SGMS1: variants seen among roughly 807,000 people sequenced by gnomAD.
The protein encoded by SGMS1 is phosphatidylcholine:ceramide cholinephosphotransferase 1.
In SGMS1, 13 loss-of-function variants were observed where a neutral mutation model predicts 46.2. The ratio of observed to expected loss-of-function variants is 0.28; its 90% CI spans 0.18 to 0.45. The LOEUF (loss-of-function observed/expected upper bound fraction) is 0.45. Among genes scored for constraint, SGMS1 ranks in the 20% least tolerant of loss-of-function variants. The probability of loss-of-function intolerance (pLI) is 1.00; values close to 1 mark genes in which losing one functional copy is unlikely to be tolerated. For synonymous variants in SGMS1, 203 were observed against 187.8 expected, an observed-to-expected ratio of 1.08 and a Z score of -0.66; for missense variants, 324 against 519.9, an observed-to-expected ratio of 0.62 and a Z score of 3.66.
At chr10:50,452,391 G>T (rs1350663636) in intron 5 of SGMS1, among the ~76,000 whole-genome samples, 1 of 152,080 alleles carries the variant, frequency 6.6e-6, no homozygotes, top group Non-Finnish European at 1.5e-5. Flanking sequence ...TGTCGTAAAT[G>T]AGTATCCACC....
At position 50,508,481 on chromosome 10, in the gene SGMS1, G is replaced by C. The variant is rs1837725960; in HGVS notation, c.-498+11350C>G. The stretch of plus-strand genomic sequence containing the variant: ...TCTTGGTATGACAGTGAAATATCAA[G>C]TGACAAAAAGGAAGTCATGTCAGTC... On this transcript the variant is annotated intron_variant, in intron 3 of 10. Coordinates refer to ENST00000361781, the MANE Select transcript of SGMS1 (RefSeq NM_147156.4). Among the ~76,000 whole-genome samples, 3 of 152,278 alleles carry C rather than the reference G, an allele frequency of 2.0e-5. No homozygotes were observed. The South Asian group carries it at 6.2e-4, about 32-fold the overall frequency.
chr10:50,383,091 G>T (rs897569773), intron 6 of SGMS1, among the ~76,000 whole-genome samples: 1 of 152,100 alleles, frequency 6.6e-6, no homozygotes, highest in African/African-American at 2.4e-5. Context: ...TAATTGAAAA[G>T]ACTTTATAAG....
intron 1 of SGMS1, among the ~76,000 whole-genome samples, chr10:50,604,826 C>T (rs1554795498): frequency 6.8e-6 from 1 of 146,032 alleles, no homozygotes; most frequent in Non-Finnish European, 1.5e-5. Context: ...AGACAGACTC[C>T]AAAAAAATGA....
At chr10:50,369,334 C>T (rs936053071) in intron 6 of SGMS1, among the ~76,000 whole-genome samples, 4 of 152,018 alleles carry the variant, frequency 2.6e-5, no homozygotes, top group African/African-American at 9.7e-5. Flanking sequence ...CCTGTCTCTA[C>T]AAAAAATTTA....
intron 2 of SGMS1, among the ~76,000 whole-genome samples, chr10:50,575,946 C>G (rs778632029): frequency 5.0e-4 from 76 of 152,150 alleles, no homozygotes; most frequent in Non-Finnish European, 4.9e-4. Context: ...CTGTTTTACT[C>G]CCAGAGCCCT....
chr10:50,606,831 T>C (rs545040048), intron 1 of SGMS1, among the ~76,000 whole-genome samples: 1 of 152,346 alleles, frequency 6.6e-6, no homozygotes, highest in East Asian at 1.9e-4. Context: ...CATTTTCAAA[T>C]GTCGGTGAAC....
chr10:50,369,917 C>A (rs1258226101), intron 6 of SGMS1, among the ~76,000 whole-genome samples: 3 of 152,158 alleles, frequency 2.0e-5, no homozygotes, highest in African/African-American at 7.2e-5. Flanking sequence ...TATGGTATAG[C>A]CTATTGCTTC....
At chr10:50,435,520 C>G (rs1849463834) in intron 5 of SGMS1, among the ~76,000 whole-genome samples, 1 of 152,184 alleles carries the variant, frequency 6.6e-6, no homozygotes, top group Non-Finnish European at 1.5e-5. Flanking sequence ...ATGTTCAATA[C>G]AAATCTCCAC....
At chr10:50,505,593 C>T (rs1837699630) in intron 3 of SGMS1, among the ~76,000 whole-genome samples, 1 of 152,176 alleles carries the variant, frequency 6.6e-6, no homozygotes, top group Non-Finnish European at 1.5e-5. Flanking sequence ...ACTCATGATT[C>T]TTTCAACAAG....
intron 5 of SGMS1, among the ~76,000 whole-genome samples, chr10:50,438,795 A>G (rs2133631606): frequency 6.6e-6 from 1 of 152,334 alleles, no homozygotes; most frequent in East Asian, 1.9e-4. Context: ...CCTCCAATTC[A>G]GTTCTCTCCA....
In SGMS1 at chr10:50,454,046, T is replaced by C. The variant is rs571318881; in HGVS notation, c.-313+6627A>G. ...ACTAGACTTTCAACATTAATTTACA[T>C]AGGCAAAAAAAAAAAAAAAAAAAGA... On this transcript the variant is annotated intron_variant, in intron 5 of 10. Transcript: ENST00000361781. Among the ~76,000 whole-genome samples the C allele has an allele frequency of 6.5e-4, 32 of 48,868 alleles. No homozygotes were observed. In the South Asian group the frequency reaches 0.025, roughly 39 times the overall value. The allele number at this position is 48,868 out of a possible 152,430, so 32.1% of individuals were successfully genotyped here. A position where few individuals can be genotyped will look rare whatever the true frequency, so the allele number is the denominator to read the frequency against.
intron 6 of SGMS1, among the ~76,000 whole-genome samples, chr10:50,377,480 A>G (rs1467320438): frequency 6.6e-6 from 1 of 152,210 alleles, no homozygotes; most frequent in Admixed American, 6.5e-5. Context: ...TTCAAACTAT[A>G]GCACTGATGG....
chr10:50,581,416 A>T (rs141725897), intron 2 of SGMS1, among the ~76,000 whole-genome samples: 1 of 152,218 alleles, frequency 6.6e-6, no homozygotes, highest in Non-Finnish European at 1.5e-5. Context: ...ATGAAATAGG[A>T]TAACCAACAA....
rs180774522 is a variant in SGMS1 at position 50,357,104 on chromosome 10, G to A, written c.-231-12759C>T. Reference sequence around the variant, plus strand: ...AAAAAAAAGCAGAGAAAAACAGCACGTGTTCATTATAGATTCTAAGCTTAC... The same window carrying A: ...AAAAAAAAGCAGAGAAAAACAGCACATGTTCATTATAGATTCTAAGCTTAC... On this transcript the variant is annotated intron_variant, in intron 6 of 10. Coordinates refer to ENST00000361781, the MANE Select transcript of SGMS1 (RefSeq NM_147156.4). 2.0e-4 allele frequency among the ~76,000 whole-genome samples: 30 copies of A among 151,250 alleles called. 1 individual carries two copies. Among genetic ancestry groups the A allele is most frequent in the Non-Finnish European group, 1.0e-4 (7 of 67,864 alleles).
intron 2 of SGMS1, among the ~76,000 whole-genome samples, chr10:50,573,538 C>A (rs531463420): frequency 6.6e-6 from 1 of 152,112 alleles, no homozygotes; most frequent in South Asian, 2.1e-4. Context: ...GTAAAGATTT[C>A]GTGTATTCAT....
intron 9 of SGMS1, among the ~76,000 whole-genome samples, chr10:50,308,790 C>T (rs1408880444): frequency 6.6e-6 from 1 of 152,174 alleles, no homozygotes; most frequent in Non-Finnish European, 1.5e-5. Context: ...TAGTGCAGGC[C>T]TTTCTACCTT....
intron 4 of SGMS1, among the ~76,000 whole-genome samples, chr10:50,465,131 A>G (rs182033722): frequency 4.6e-5 from 7 of 152,320 alleles, no homozygotes; most frequent in African/African-American, 1.7e-4. Flanking sequence ...CATTTTGGAG[A>G]AACTGAAAGG....
intron 2 of SGMS1, among the ~76,000 whole-genome samples, chr10:50,574,366 A>T (rs1409582151): frequency 6.6e-6 from 1 of 152,218 alleles, no homozygotes; most frequent in Non-Finnish European, 1.5e-5. Context: ...GAAGACATCC[A>T]AGTAGCCAAG....
At chr10:50,536,084 A>G (rs916645488) in intron 2 of SGMS1, among the ~76,000 whole-genome samples, 2 of 152,150 alleles carry the variant, frequency 1.3e-5, no homozygotes, top group Non-Finnish European at 2.9e-5. Context: ...CTGTAATCCT[A>G]ACACTTTGGG....
Sources: gnomAD v4.1 joint callset for allele counts (sites outside exome capture counted in the v4.1 genomes callset) on GRCh38, gnomAD v4.1.1 for gene constraint, MANE v1.5 for transcripts, NCBI Gene and HGNC (gene_info 2026-07-23, HGNC 2026-07-21) for gene names.